RBM4: variants seen among roughly 807,000 people sequenced by gnomAD.
RBM4 encodes the protein RNA-binding protein 4.
Under a neutral mutation model 29.5 loss-of-function variants are expected in RBM4, and 7 were observed. The ratio of observed to expected loss-of-function variants is 0.24; its 90% CI spans 0.14 to 0.45. The LOEUF (loss-of-function observed/expected upper bound fraction) is 0.45. Ranked by LOEUF, RBM4 falls within the 20% of genes least tolerant of loss-of-function variation. The pLI, the probability that RBM4 is intolerant of heterozygous loss-of-function variation, is 1.00. For missense variants in RBM4, 387 were observed against 502.3 expected (o/e 0.77, Z 2.19); for synonymous variants, 220 against 205.4 (o/e 1.07, Z -0.61).
At chr11:66,666,461 C>T (rs1445108806) in exon 3 of RBM4, 1 of 987,364 alleles carries the variant, frequency 1.0e-6, no homozygotes, top group Non-Finnish European at 1.2e-6. Flanking sequence ...CTGCAACCAA[C>T]TCAGGGTTAT....
At chr11:66,653,382 G>GA (rs1938873744) in intron 2 of RBM4, among the ~76,000 whole-genome samples, 1 of 118,952 alleles carries the variant, frequency 8.4e-6, no homozygotes, top group Non-Finnish European at 1.7e-5. Context: ...TTTTTTTTGA[G>GA]AGGGAGTCTT....
chr11:66,643,340 C>A lies in RBM4; in HGVS notation c.413-110C>A, dbSNP rs1356287221. On this transcript the variant is annotated intron_variant, in intron 2 of 3. Coordinates refer to ENST00000310092, the MANE Select transcript of RBM4 (RefSeq NM_002896.4). This position sits in a 1 kb window ranked among gnomAD's most constrained non-coding sequence, Gnocchi z 6.1. ...TTTTTATCTTTTCCTAAAGATGAGT[C>A]CTGCATTAGAATTGTCTAGATAAAG... 3.0e-6 allele frequency: 4 copies of A among 1,330,972 alleles called. No individual in the cohort carries two copies. Among genetic ancestry groups the A allele is most frequent in the African/African-American group, 1.5e-5 (1 of 67,578 alleles). 82.4% of individuals were successfully genotyped at this position (1,330,972 alleles called of 1,614,324 possible).
intron 2 of RBM4, among the ~76,000 whole-genome samples, chr11:66,658,637 A>T (rs2135088118): frequency 6.6e-6 from 1 of 152,070 alleles, no homozygotes; most frequent in South Asian, 2.1e-4. Flanking sequence ...TACCTATGGG[A>T]TTTAAAAAAT....
chr11:66,656,218 G>A (rs2135085135), intron 2 of RBM4, among the ~76,000 whole-genome samples: 1 of 151,876 alleles, frequency 6.6e-6, no homozygotes, highest in East Asian at 1.9e-4. Flanking sequence ...CTCACTGCAA[G>A]CTCTACCTCC....
chr11:66,664,172 T>G (rs975711855), intron 2 of RBM4, among the ~76,000 whole-genome samples: 20 of 90,650 alleles, frequency 2.2e-4, no homozygotes, highest in Admixed American at 1.4e-3. Context: ...TGCCCAGCTG[T>G]TTTTTTTTTT....
In RBM4 at chr11:66,643,728, T is replaced by C; in HGVS notation, c.691T>C (p.Tyr231His). ...CAAGCGCTGCCGTGCTGCCCGGTCC[T>C]ATGAGGCAGTGGCAGCTGCAGCTGC... ...YYKRCRAARS[Y>H]EAVAAAAASV... Residue 231 changes from tyrosine (Y) to histidine (H), a missense_variant, in exon 3 of 4, where the codon TAT becomes CAT. Tyr to His is a moderately conservative substitution (Grantham distance 83, BLOSUM62 2). Coordinates refer to ENST00000310092, the MANE Select transcript of RBM4 (RefSeq NM_002896.4). This position sits in a 1 kb window ranked among gnomAD's most constrained non-coding sequence, Gnocchi z 6.1. 6.2e-7 allele frequency: 1 copy of C among 1,614,098 alleles called. No homozygotes were observed. The highest frequency in any genetic ancestry group is 8.5e-7 in the Non-Finnish European group (1 of 1,179,994).
chr11:66,665,784 T>C (rs551131421), intron 2 of RBM4: 4 of 1,373,442 alleles, frequency 2.9e-6, no homozygotes, highest in African/African-American at 2.9e-5. Flanking sequence ...TATGGCTATA[T>C]ATATAGGACA....
chr11:66,666,253 A>T, exon 3 of RBM4: 1 of 1,002,552 alleles, frequency 1.0e-6, no homozygotes. Context: ...TGGCTGGGGG[A>T]AAAAAAAAGT....
intron 2 of RBM4, among the ~76,000 whole-genome samples, chr11:66,642,559 C>T (rs569251069): frequency 4.4e-4 from 67 of 152,272 alleles, no homozygotes; most frequent in Non-Finnish European, 2.2e-4. Flanking sequence ...TTCTTAGTTA[C>T]GCTCTCAGAT....
At chr11:66,655,212 C>G (rs555608420) in intron 2 of RBM4, among the ~76,000 whole-genome samples, 1 of 152,192 alleles carries the variant, frequency 6.6e-6, no homozygotes, top group South Asian at 2.1e-4. Flanking sequence ...TTTCGAACTC[C>G]TGACTTCAGG....
At chr11:66,641,515 A>G (rs1277011916) in intron 2 of RBM4, among the ~76,000 whole-genome samples, 1 of 152,070 alleles carries the variant, frequency 6.6e-6, no homozygotes, top group Non-Finnish European at 1.5e-5. Context: ...GCTCTTGTGG[A>G]GGGTTTATGG....
At chr11:66,639,166 C>G (rs998552082) in intron 1 of RBM4, 1 of 154,814 alleles carries the variant, frequency 6.5e-6, no homozygotes, top group Non-Finnish European at 1.4e-5. Context: ...GAGGCGTTCA[C>G]CACTCCAGTA....
chr11:66,666,434 ACAT>A, exon 3 of RBM4: 1 of 987,690 alleles, frequency 1.0e-6, no homozygotes, highest in Non-Finnish European at 1.2e-6. Context: ...AGCCTCATTA[ACAT>A]CAGGCTCCTG....
chr11:66,659,129 T>G (rs1466193821), intron 2 of RBM4, among the ~76,000 whole-genome samples: 1 of 151,736 alleles, frequency 6.6e-6, no homozygotes, highest in Non-Finnish European at 1.5e-5. Context: ...GGTTTGCATT[T>G]GTGGCTCACA....
chr11:66,650,511 C>T (rs1185745182), downstream of RBM4, among the ~76,000 whole-genome samples: 1 of 151,200 alleles, frequency 6.6e-6, no homozygotes, highest in Non-Finnish European at 1.5e-5. Flanking sequence ...GAGGAGGTTG[C>T]AGTGAGCTGA....
At chr11:66,647,065 G>C (rs1938714921), downstream of RBM4, among the ~76,000 whole-genome samples, 1 of 152,220 alleles carries the variant, frequency 6.6e-6, no homozygotes, top group Admixed American at 6.5e-5. Flanking sequence ...CAACATATGA[G>C]GCTTTAGATA....
chr11:66,653,798 CTTTTTTCTCTTTTT>C (rs1006922899), intron 2 of RBM4, among the ~76,000 whole-genome samples: 2 of 150,816 alleles, frequency 1.3e-5, no homozygotes, highest in Admixed American at 1.3e-4. Context: ...CATGGGTTTT[CTTTTTTCTCTTTTT>C]TTTTTTCTTT....
intron 2 of RBM4, chr11:66,665,667 TC>T: frequency 6.6e-7 from 1 of 1,519,108 alleles, no homozygotes; most frequent in South Asian, 1.2e-5. Context: ...TGTCCTGTAT[TC>T]CGGGGGGAAA....
At chr11:66,651,694 C>G (rs150953810) in intron 2 of RBM4, among the ~76,000 whole-genome samples, 3 of 152,110 alleles carry the variant, frequency 2.0e-5, no homozygotes, top group Non-Finnish European at 4.4e-5. Flanking sequence ...AACAAAAGAC[C>G]GTAAGACTGG....
Sources: allele counts gnomAD v4.1 joint callset (sites outside exome capture counted in the v4.1 genomes callset), GRCh38; gene constraint gnomAD v4.1.1; non-coding constraint Gnocchi (gnomAD v3.1); transcripts MANE v1.5; gene names NCBI Gene and HGNC (gene_info 2026-07-23, HGNC 2026-07-21).